SDK1: variants seen among roughly 807,000 people sequenced by gnomAD.
SDK1 encodes sidekick cell adhesion molecule 1.
A neutral mutation model predicts 245.5 loss-of-function variants in SDK1; 157 were observed. That is an observed-to-expected ratio of 0.64 (90% CI 0.56 to 0.73). The LOEUF is 0.73. SDK1 is among the 30% of genes least tolerant of loss of function. SDK1 has a pLI of 0.00. For synonymous variants in SDK1, 1,647 were observed against 1,278.5 expected (o/e 1.29, Z -6.15); for missense variants, 3,583 against 3,002.3 (o/e 1.19, Z -4.52).
intron 1 of SDK1, among the ~76,000 whole-genome samples, chr7:3,391,519 C>G (rs565429365): frequency 8.6e-5 from 13 of 150,946 alleles, no homozygotes; most frequent in African/African-American, 3.2e-4. Context: ...TTTCTTTCCA[C>G]AAAGGAATTA....
chr7:3,569,833 A>C (rs1001967693), intron 1 of SDK1, among the ~76,000 whole-genome samples: 1 of 152,156 alleles, frequency 6.6e-6, no homozygotes, highest in Non-Finnish European at 1.5e-5. Context: ...GGCTTGTTAG[A>C]GTCTGTCCTT....
rs1583209678 is a variant in SDK1 at position 4,265,804 on chromosome 7, C to T, written c.*420C>T. 3.0e-6 allele frequency: 3 copies of T among 1,003,704 alleles called. No individual in the cohort carries two copies. The highest frequency in any genetic ancestry group is 5.0e-4 in the Middle Eastern group (1 of 2,012). 62.2% of individuals were successfully genotyped at this position (1,003,704 alleles called of 1,614,324 possible). A position where few individuals can be genotyped will look rare whatever the true frequency, so the allele number is the denominator to read the frequency against. ...GGCCGGCCCCCGTCTCTTTCTACCT[C>T]CTCTTCCAGAGAACCAGCGGCTCAC... On this transcript the variant is annotated 3_prime_UTR_variant, in exon 45 of 45. Transcript: ENST00000404826.
intron 4 of SDK1, among the ~76,000 whole-genome samples, chr7:3,721,290 C>T (rs1289501100): frequency 2.0e-5 from 3 of 152,172 alleles, no homozygotes; most frequent in Non-Finnish European, 4.4e-5. Flanking sequence ...TGAATACTCT[C>T]TATGAATTCT....
intron 13 of SDK1, among the ~76,000 whole-genome samples, chr7:3,981,329 G>A (rs936946631): frequency 2.6e-5 from 4 of 152,110 alleles, no homozygotes; most frequent in Admixed American, 2.6e-4. Context: ...GCCATTCCCT[G>A]TCTCCCTCCG....
At chr7:3,907,520 T>C (rs1042654438) in intron 5 of SDK1, among the ~76,000 whole-genome samples, 3 of 152,218 alleles carry the variant, frequency 2.0e-5, no homozygotes, top group Non-Finnish European at 4.4e-5. Context: ...TGCCCGTTCA[T>C]GTACATATAG....
At chr7:3,705,724 T>C (rs1455629981) in intron 4 of SDK1, among the ~76,000 whole-genome samples, 2 of 152,110 alleles carry the variant, frequency 1.3e-5, no homozygotes, top group African/African-American at 2.4e-5. Context: ...ACTCTCTCTT[T>C]TCCAATTTGG....
chr7:3,520,779 A>G (rs968356166), intron 1 of SDK1, among the ~76,000 whole-genome samples: 1 of 152,162 alleles, frequency 6.6e-6, no homozygotes, highest in African/African-American at 2.4e-5. Flanking sequence ...CTGGCATAGC[A>G]TGTCTGAGAT....
chr7:4,138,686 G>T (rs1287130031), intron 28 of SDK1, among the ~76,000 whole-genome samples: 3 of 150,562 alleles, frequency 2.0e-5, no homozygotes, highest in Admixed American at 6.6e-5. Flanking sequence ...GGCAGAGGTT[G>T]CAGTATAGCC....
chr7:3,970,830 C>T (rs765313982), intron 11 of SDK1, among the ~76,000 whole-genome samples: 3 of 152,172 alleles, frequency 2.0e-5, no homozygotes, highest in Non-Finnish European at 4.4e-5. Flanking sequence ...GGCTTGCCCT[C>T]GAACTTAGCC....
chr7:3,572,435 G>A (rs1018492764), intron 1 of SDK1, among the ~76,000 whole-genome samples: 3 of 151,930 alleles, frequency 2.0e-5, no homozygotes, highest in Admixed American at 6.6e-5. Flanking sequence ...TAGGCTTGGC[G>A]TAGGCATCAC....
chr7:3,318,827 A>G (rs1452950584), intron 1 of SDK1, among the ~76,000 whole-genome samples: 1 of 152,242 alleles, frequency 6.6e-6, no homozygotes, highest in East Asian at 1.9e-4. Flanking sequence ...GTGATGCTCC[A>G]GAGTGAATTT....
At chr7:3,453,154 T>C (rs569855812) in intron 1 of SDK1, among the ~76,000 whole-genome samples, 1 of 152,152 alleles carries the variant, frequency 6.6e-6, no homozygotes, top group Non-Finnish European at 1.5e-5. Flanking sequence ...TCCAACTCTT[T>C]CCCTCACCAA....
At chr7:3,503,204 C>T (rs1446731860) in intron 1 of SDK1, among the ~76,000 whole-genome samples, 1 of 152,102 alleles carries the variant, frequency 6.6e-6, no homozygotes, top group African/African-American at 2.4e-5. Context: ...AAGAATTTGT[C>T]AACTCCCTGG....
intron 4 of SDK1, among the ~76,000 whole-genome samples, chr7:3,758,759 T>A (rs1333917335): frequency 6.6e-6 from 1 of 152,174 alleles, no homozygotes; most frequent in Admixed American, 6.5e-5. Context: ...AAACCAAGAC[T>A]GAAGCATGGA....
intron 4 of SDK1, among the ~76,000 whole-genome samples, chr7:3,774,789 C>G (rs1338573939): frequency 6.6e-6 from 1 of 152,196 alleles, no homozygotes; most frequent in Non-Finnish European, 1.5e-5. Context: ...GAATGTTACT[C>G]TTTGTCCAGC....
At chr7:3,404,205 A>G (rs1242099002) in intron 1 of SDK1, among the ~76,000 whole-genome samples, 1 of 152,084 alleles carries the variant, frequency 6.6e-6, no homozygotes, top group East Asian at 1.9e-4. Flanking sequence ...AATTTTACAA[A>G]TTAAAGCCCT....
At chr7:3,971,290 T>C (rs964630502) in intron 11 of SDK1, among the ~76,000 whole-genome samples, 176 bp from the exon 12 acceptor site, 2 of 152,122 alleles carry the variant, frequency 1.3e-5, no homozygotes, top group Non-Finnish European at 2.9e-5. Context: ...GGTTTACTTA[T>C]TTGCTTGTTT....
chr7:3,435,321 CTTTTTTTTTTTTT>C (rs71029672), intron 1 of SDK1, among the ~76,000 whole-genome samples: 4 of 56,878 alleles, frequency 7.0e-5, no homozygotes, highest in African/African-American at 3.6e-4. Flanking sequence ...AGGGGACTGC[CTTTTTTTTTTTTT>C]TTTTTTTTTT....
chr7:3,913,233 G>T (rs748219187), intron 5 of SDK1, among the ~76,000 whole-genome samples: 1 of 151,872 alleles, frequency 6.6e-6, no homozygotes, highest in African/African-American at 2.4e-5. Flanking sequence ...GATGGCTCCC[G>T]GTCTTCTTGC....
Sources: gnomAD v4.1 joint callset for allele counts (sites outside exome capture counted in the v4.1 genomes callset) on GRCh38, gnomAD v4.1.1 for gene constraint, MANE v1.5 for transcripts, NCBI Gene and HGNC (gene_info 2026-07-23, HGNC 2026-07-21) for gene names.